The following KDM4C variants were observed in gnomAD, a reference collection of about 807,000 sequenced individuals.
The protein encoded by KDM4C is lysine demethylase 4C.
KDM4C carries 81 observed loss-of-function variants against 129.3 expected under a neutral mutation model. The ratio of observed to expected loss-of-function variants is 0.63; its 90% CI spans 0.52 to 0.75. The LOEUF is 0.75. Among genes scored for constraint, KDM4C ranks in the 30% least tolerant of loss-of-function variants. The probability of loss-of-function intolerance (pLI) is 0.00; values close to 1 mark genes in which losing one functional copy is unlikely to be tolerated. For synonymous variants in KDM4C, 573 were observed against 456.1 expected, an observed-to-expected ratio of 1.26 and a Z score of -3.26; for missense variants, 1,457 against 1,304.0, an observed-to-expected ratio of 1.12 and a Z score of -1.81.
At chr9:7,166,387 A>G (rs1301854423) in intron 20 of KDM4C, among the ~76,000 whole-genome samples, 1 of 152,164 alleles carries the variant, frequency 6.6e-6, no homozygotes, top group Non-Finnish European at 1.5e-5. Context: ...AGTGTTTTTC[A>G]TGGTCTAGAA....
Position 6,880,075 on chromosome 9 carries a change from T to C in KDM4C, c.679+14T>C. 6.4e-7 allele frequency: 1 copy of C among 1,570,730 alleles called. No individual in the cohort carries two copies. Among genetic ancestry groups the C allele is most frequent in the Non-Finnish European group, 8.7e-7 (1 of 1,148,276 alleles). On this transcript the variant is annotated intron_variant, in intron 6 of 21. Coordinates refer to ENST00000381309, the MANE Select transcript of KDM4C (RefSeq NM_015061.6). ...GACTAGCTCAAGGTAAAACTTGCTT[T>C]TTAAATTTGTTTTCTGTGTTTTATA...
intron 5 of KDM4C, among the ~76,000 whole-genome samples, chr9:6,866,512 G>A (rs141445512): frequency 1.1e-4 from 16 of 152,242 alleles, no homozygotes; most frequent in Admixed American, 7.2e-4. Flanking sequence ...TGGCATCTCC[G>A]TTGGCTGAAT....
intron 1 of KDM4C, among the ~76,000 whole-genome samples, chr9:6,779,015 C>G (rs1237878980): frequency 1.5e-5 from 2 of 130,068 alleles, no homozygotes; most frequent in East Asian, 2.3e-4. Flanking sequence ...AGCTACCTCA[C>G]CAGGCCTGAT....
At chr9:6,721,237 CTT>C (rs35919506) in intron 1 of KDM4C, 11,474 of 89,828 alleles carry the variant, frequency 0.13, 407 homozygotes, top group Middle Eastern at 0.17. Flanking sequence ...CTATGCCTGG[CTT>C]TTTTTTTTTT....
At chr9:6,789,218 ATTTT>A in intron 1 of KDM4C, among the ~76,000 whole-genome samples, 1 of 117,308 alleles carries the variant, frequency 8.5e-6, no homozygotes, top group South Asian at 3.0e-4. Context: ...CGCCTGGCTA[ATTTT>A]TTTTTTTTTT....
At chr9:6,829,035 C>CT (rs1408851152) in intron 4 of KDM4C, among the ~76,000 whole-genome samples, 1 of 152,208 alleles carries the variant, frequency 6.6e-6, no homozygotes, top group East Asian at 1.9e-4. Context: ...GAGAATCACT[C>CT]TGAGTGATCG....
chr9:7,068,661 T>C (rs2132778123), intron 17 of KDM4C, among the ~76,000 whole-genome samples: 1 of 151,726 alleles, frequency 6.6e-6, no homozygotes, highest in Non-Finnish European at 1.5e-5. Flanking sequence ...TTCTGTCTAT[T>C]TCATACATGT....
At chr9:6,755,126 C>G (rs149334704), upstream of KDM4C, among the ~76,000 whole-genome samples, 2,265 of 152,266 alleles carry the variant, frequency 0.015, 71 homozygotes, top group African/African-American at 0.051. Context: ...AATCCCAGCA[C>G]TTTGGGAGGC....
At chr9:7,067,204 T>C (rs1027258341) in intron 17 of KDM4C, among the ~76,000 whole-genome samples, 1 of 152,272 alleles carries the variant, frequency 6.6e-6, no homozygotes, top group Non-Finnish European at 1.5e-5. Context: ...CTTTGAACTA[T>C]TGACTCTCTT....
intron 21 of KDM4C, among the ~76,000 whole-genome samples, chr9:7,173,028 C>T (rs1845115077): frequency 6.6e-6 from 1 of 152,238 alleles, no homozygotes; most frequent in Non-Finnish European, 1.5e-5. Flanking sequence ...TCAGCAAACA[C>T]TTACTGAACA....
intron 5 of KDM4C, among the ~76,000 whole-genome samples, chr9:6,866,257 A>G (rs905141263): frequency 1.3e-5 from 2 of 152,136 alleles, no homozygotes; most frequent in African/African-American, 4.8e-5. Context: ...TTATTTACCA[A>G]GGATATTCTT....
chr9:7,072,113 A>G (rs985504294), intron 17 of KDM4C, among the ~76,000 whole-genome samples: 2 of 152,226 alleles, frequency 1.3e-5, no homozygotes, highest in African/African-American at 2.4e-5. Context: ...ATGTCACTAC[A>G]TATCAATGGA....
chr9:6,734,021 T>C (rs1158982874), intron 1 of KDM4C, among the ~76,000 whole-genome samples: 1 of 152,150 alleles, frequency 6.6e-6, no homozygotes, highest in Non-Finnish European at 1.5e-5. Context: ...CTATATCTTG[T>C]GCTGACCTCC....
intron 1 of KDM4C, among the ~76,000 whole-genome samples, chr9:6,748,109 T>G (rs1302351276): frequency 6.6e-6 from 1 of 150,844 alleles, no homozygotes; most frequent in Non-Finnish European, 1.5e-5. Flanking sequence ...GAGGTTGCAG[T>G]GAGCAGAGAT....
chr9:6,956,274 G>A, intron 8 of KDM4C, among the ~76,000 whole-genome samples: 1 of 152,146 alleles, frequency 6.6e-6, no homozygotes, highest in Non-Finnish European at 1.5e-5. Flanking sequence ...GTAACTCAAA[G>A]GATAAATGCT....
At chr9:7,123,291 C>G (rs1249458358) in intron 18 of KDM4C, among the ~76,000 whole-genome samples, 3 of 152,174 alleles carry the variant, frequency 2.0e-5, no homozygotes, top group African/African-American at 7.2e-5. Flanking sequence ...CCTTGGCTAG[C>G]CTCTTCTACT....
intron 4 of KDM4C, among the ~76,000 whole-genome samples, chr9:6,828,332 A>G (rs1374799617): frequency 6.6e-6 from 1 of 151,992 alleles, no homozygotes; most frequent in Non-Finnish European, 1.5e-5. Context: ...TATTTTTAGT[A>G]GAGACGGGGT....
chr9:7,071,512 A>G (rs558829651), intron 17 of KDM4C, among the ~76,000 whole-genome samples: 34 of 152,304 alleles, frequency 2.2e-4, no homozygotes, highest in African/African-American at 5.8e-4. Flanking sequence ...TTTTTCAGTA[A>G]AAGTTCCAAG....
intron 18 of KDM4C, among the ~76,000 whole-genome samples, chr9:7,127,421 G>A (rs1840138585): frequency 6.6e-6 from 1 of 152,036 alleles, no homozygotes. Flanking sequence ...CACCTATTTG[G>A]GATTCTGGCC....
Sources: allele counts gnomAD v4.1 joint callset (sites outside exome capture counted in the v4.1 genomes callset), GRCh38; gene constraint gnomAD v4.1.1; transcripts MANE v1.5; gene names NCBI Gene and HGNC (gene_info 2026-07-23, HGNC 2026-07-21).